The following CBLB variants were observed in gnomAD, a reference collection of about 807,000 sequenced individuals.
CBLB encodes the protein Cbl proto-oncogene B, also known as E3 ubiquitin-protein ligase CBL-B.
In CBLB, 31 loss-of-function variants were observed where a neutral mutation model predicts 104.9. The ratio of observed to expected loss-of-function variants is 0.30; its 90% CI spans 0.22 to 0.40. The LOEUF (loss-of-function observed/expected upper bound fraction) is 0.40. CBLB is among the 10% of genes least tolerant of loss of function. The probability of loss-of-function intolerance (pLI) is 1.00; values close to 1 mark genes in which losing one functional copy is unlikely to be tolerated. For missense variants in CBLB, 1,062 were observed against 1,214.6 expected (o/e 0.87, Z 1.87); for synonymous variants, 440 against 422.6 (o/e 1.04, Z -0.51).
At chr3:105,857,547 A>G (rs752939243) in intron 2 of CBLB, among the ~76,000 whole-genome samples, 1 of 152,238 alleles carries the variant, frequency 6.6e-6, no homozygotes, top group Non-Finnish European at 1.5e-5. Context: ...TTAAGGGACC[A>G]TTAAAATATC....
At chr3:105,733,755 G>A (rs550549805) in intron 9 of CBLB, among the ~76,000 whole-genome samples, 99 of 152,204 alleles carry the variant, frequency 6.5e-4, no homozygotes, top group African/African-American at 2.3e-3. Context: ...ACCTATAAGT[G>A]AACATACTGA....
intron 3 of CBLB, among the ~76,000 whole-genome samples, chr3:105,797,135 A>G (rs542818077): frequency 1.1e-4 from 16 of 152,342 alleles, no homozygotes; most frequent in African/African-American, 2.4e-4. Flanking sequence ...ACGTGAACGT[A>G]TATGTTTACT....
intron 4 of CBLB, among the ~76,000 whole-genome samples, chr3:105,768,932 G>C (rs1400566961): frequency 6.6e-6 from 1 of 152,216 alleles, no homozygotes; most frequent in Non-Finnish European, 1.5e-5. Context: ...CATTTAAAAA[G>C]AGATCAATTT....
At position 105,704,219 on chromosome 3, in the gene CBLB, G is replaced by A. The variant is rs777990466; in HGVS notation, c.1408-46C>T. 23 of 1,552,522 alleles carry A rather than the reference G, an allele frequency of 1.5e-5. No individual in the cohort carries two copies. The East Asian group carries it at 4.9e-4, about 33-fold the overall frequency. ...GATGCCGCTGTTTATTAGCTGTGCA[G>A]AGTGTTCTCTGTTCTTAAAGAATAT... On this transcript the variant is annotated intron_variant, in intron 10 of 18. Transcript: ENST00000394030.
chr3:105,716,505 C>A (rs1227079821), intron 10 of CBLB, among the ~76,000 whole-genome samples: 2 of 152,128 alleles, frequency 1.3e-5, no homozygotes, highest in African/African-American at 4.8e-5. Context: ...AACATAACAT[C>A]ATAGCAATAT....
rs186786198 is a variant in CBLB, at chr3:105,727,914, G to A, written c.1203+6095C>T. On this transcript the variant is annotated intron_variant, in intron 9 of 18. Transcript: ENST00000394030. Reference sequence around the variant, plus strand: ...TCCATTGGTCTAGATATCTGTTTTGGTACCAGTACCATGCTGTTTTGGTTA... The same window carrying A: ...TCCATTGGTCTAGATATCTGTTTTGATACCAGTACCATGCTGTTTTGGTTA... Among the ~76,000 whole-genome samples, 240 of 152,158 alleles carry A rather than the reference G, an allele frequency of 1.6e-3. 6 individuals carry two copies. In the East Asian group the frequency reaches 0.037, roughly 23 times the overall value.
chr3:105,670,541 T>C (rs1345557311), intron 17 of CBLB, 189 bp from the exon 18 acceptor site: 1 of 574,304 alleles, frequency 1.7e-6, no homozygotes, highest in Middle Eastern at 4.6e-4. Flanking sequence ...TGCTTAAATA[T>C]GCTCTTCACA....
intron 4 of CBLB, among the ~76,000 whole-genome samples, chr3:105,773,041 T>G (rs889381352): frequency 2.6e-5 from 4 of 152,144 alleles, no homozygotes; most frequent in Non-Finnish European, 4.4e-5. Flanking sequence ...GCCAGATACC[T>G]GGTCAAAGGA....
intron 3 of CBLB, among the ~76,000 whole-genome samples, chr3:105,840,864 T>C (rs2089437066): frequency 1.2e-5 from 1 of 84,028 alleles, no homozygotes; most frequent in African/African-American, 4.1e-5. Flanking sequence ...GAATGAAGTA[T>C]TACTCAAGAA....
chr3:105,770,241 T>C (rs541304828), intron 4 of CBLB, among the ~76,000 whole-genome samples: 55 of 152,210 alleles, frequency 3.6e-4, no homozygotes, highest in Admixed American at 1.3e-3. Context: ...TGTGAAAGAA[T>C]TGGGAGGCTA....
rs150170202 is a variant in CBLB, at chr3:105,809,098, A to G, written c.420-32556T>C. ...GACACAGCAGTGAATGTATAGAAAG[A>G]TATCTGGATAAACCAATGCAACGGA... is the stretch of plus-strand genomic sequence containing the variant. On this transcript the variant is annotated intron_variant, in intron 3 of 18. Transcript: ENST00000394030. Among the ~76,000 whole-genome samples the G allele has an allele frequency of 2.3e-3, 345 of 152,362 alleles. 8 individuals carry two copies. The East Asian group carries it at 0.056, about 25-fold the overall frequency.
intron 2 of CBLB, among the ~76,000 whole-genome samples, chr3:105,857,603 C>G (rs2091737929): frequency 6.6e-6 from 1 of 152,172 alleles, no homozygotes; most frequent in African/African-American, 2.4e-5. Flanking sequence ...TCGGGCTGAT[C>G]TTTCTAACTG....
intron 3 of CBLB, among the ~76,000 whole-genome samples, chr3:105,810,542 TA>T (rs1442413756): frequency 6.6e-6 from 1 of 152,156 alleles, no homozygotes; most frequent in East Asian, 1.9e-4. Flanking sequence ...CTAAACTTCA[TA>T]AGACTTTAAT....
intron 3 of CBLB, among the ~76,000 whole-genome samples, chr3:105,782,232 C>T (rs930772591): frequency 2.6e-5 from 4 of 152,118 alleles, no homozygotes; most frequent in Non-Finnish European, 5.9e-5. Flanking sequence ...AAGGAGAGTA[C>T]ACAACAGACA....
chr3:105,681,334 G>T, intron 16 of CBLB, 145 bp downstream of exon 16: 1 of 732,132 alleles, frequency 1.4e-6, no homozygotes. Context: ...GAACTTGGGA[G>T]TCACCGGCAC....
At chr3:105,758,120 T>G (rs550470839) in intron 4 of CBLB, among the ~76,000 whole-genome samples, 1 of 152,354 alleles carries the variant, frequency 6.6e-6, no homozygotes, top group Admixed American at 6.5e-5. Context: ...CTCCATTTTT[T>G]AAGAATATGA....
intron 10 of CBLB, among the ~76,000 whole-genome samples, chr3:105,706,015 C>T (rs1278362360): frequency 2.6e-5 from 4 of 151,908 alleles, no homozygotes; most frequent in Admixed American, 6.6e-5. Flanking sequence ...TGGTGATACA[C>T]GCCTCCAGTC....
chr3:105,861,067 GTGT>G lies in CBLB; in HGVS notation c.168+6340_168+6342del, dbSNP rs574872139. On this transcript the variant is annotated intron_variant, in intron 2 of 18. Coordinates refer to ENST00000394030, the MANE Select transcript of CBLB (RefSeq NM_170662.5). ...TAACTATGTTAAAAACCTATAAAAT[GTGT>G]TGGATATTTTCAAAATGTGTCTTTC... 4.9e-4 allele frequency among the ~76,000 whole-genome samples: 74 copies of G among 151,990 alleles called. 2 individuals are homozygous for G. In the South Asian group the frequency reaches 0.015, roughly 32 times the overall value.
intron 8 of CBLB, among the ~76,000 whole-genome samples, chr3:105,735,287 TAAGGA>T (rs976723997): frequency 1.6e-4 from 24 of 152,246 alleles, no homozygotes; most frequent in Admixed American, 1.2e-3. Flanking sequence ...GTGGGGAACT[TAAGGA>T]AAGAGACGAG....
Sources: allele counts gnomAD v4.1 joint callset (sites outside exome capture counted in the v4.1 genomes callset), GRCh38; gene constraint gnomAD v4.1.1; transcripts MANE v1.5; gene names NCBI Gene and HGNC (gene_info 2026-07-23, HGNC 2026-07-21).